The following PLD1 variants were observed in gnomAD, a reference collection of about 807,000 sequenced individuals.
The protein encoded by PLD1 is choline phosphatase 1.
A neutral mutation model predicts 137.1 loss-of-function variants in PLD1; 112 were observed. The observed-to-expected ratio is 0.82, with a 90% CI of 0.70 to 0.96. PLD1 has a LOEUF of 0.96. PLD1 is among the 40% of genes least tolerant of loss of function. The pLI, the probability that PLD1 is intolerant of heterozygous loss-of-function variation, is 0.00. For synonymous variants in PLD1, 431 were observed against 454.7 expected (o/e 0.95, Z 0.66); for missense variants, 1,321 against 1,342.0 (o/e 0.98, Z 0.24).
intron 23 of PLD1, among the ~76,000 whole-genome samples, chr3:171,641,829 T>C (rs1735772610): frequency 6.6e-6 from 1 of 152,198 alleles, no homozygotes; most frequent in Non-Finnish European, 1.5e-5. Context: ...AATCTTCATA[T>C]AAACGTCAGT....
intron 22 of PLD1, 63 bp downstream of exon 22, chr3:171,644,847 C>A (rs1578176383): frequency 1.1e-6 from 1 of 925,532 alleles, no homozygotes; most frequent in Admixed American, 1.7e-5. Flanking sequence ...ACTGCCATTC[C>A]CTTCATCAGC....
chr3:171,660,880 A>T (rs1294867850), intron 20 of PLD1, among the ~76,000 whole-genome samples: 1 of 152,126 alleles, frequency 6.6e-6, no homozygotes, highest in Non-Finnish European at 1.5e-5. Context: ...AAGTGCTGGG[A>T]TTACAGGCAT....
rs117101793 is a variant in PLD1, at chr3:171,604,020, C to T, written c.3001-718G>A. ...ACATGACCTATTTGATCATGGCCTT[C>T]GGTCCATGAAATAAGGATGAAATAA... On this transcript the variant is annotated intron_variant, in intron 26 of 26. Transcript: ENST00000351298. 5.4e-4 allele frequency among the ~76,000 whole-genome samples: 82 copies of T among 152,168 alleles called. 1 individual carries two copies. In the East Asian group the frequency reaches 0.013, roughly 25 times the overall value.
intron 23 of PLD1, among the ~76,000 whole-genome samples, chr3:171,636,904 A>C (rs868092385): frequency 1.3e-5 from 2 of 152,230 alleles, no homozygotes; most frequent in African/African-American, 4.8e-5. Context: ...ACATCTACAC[A>C]TACCATTTAC....
At chr3:171,628,512 GA>G (rs1165320320) in intron 23 of PLD1, among the ~76,000 whole-genome samples, 5 of 152,084 alleles carry the variant, frequency 3.3e-5, no homozygotes, top group Non-Finnish European at 7.4e-5. Flanking sequence ...CTCATTTTAT[GA>G]GGCCAGCATC....
chr3:171,806,158 G>A (rs527999904), intron 1 of PLD1, among the ~76,000 whole-genome samples: 42 of 145,712 alleles, frequency 2.9e-4, no homozygotes, highest in Non-Finnish European at 3.7e-4. Flanking sequence ...TAAACACCAC[G>A]TAAGTGTTTA....
chr3:171,719,401 C>G (rs1228439452), intron 8 of PLD1, among the ~76,000 whole-genome samples: 1 of 152,238 alleles, frequency 6.6e-6, no homozygotes, highest in Non-Finnish European at 1.5e-5. Flanking sequence ...ATGTCTACTA[C>G]TATCTGTTCA....
chr3:171,625,882 T>A (rs984201961), intron 23 of PLD1, among the ~76,000 whole-genome samples: 9 of 151,864 alleles, frequency 5.9e-5, no homozygotes, highest in Non-Finnish European at 1.3e-4. Context: ...CAAAAGTACA[T>A]AAAACCACAA....
At chr3:171,699,516 A>G (rs73879810) in intron 12 of PLD1, among the ~76,000 whole-genome samples, 5,687 of 152,322 alleles carry the variant, frequency 0.037, 368 homozygotes, top group African/African-American at 0.13. Flanking sequence ...AAAAATAAGA[A>G]TTAGAGATGC....
chr3:171,683,721 T>C (rs997888365), intron 16 of PLD1, among the ~76,000 whole-genome samples: 1 of 152,236 alleles, frequency 6.6e-6, no homozygotes, highest in Non-Finnish European at 1.5e-5. Context: ...GACTCTCTAT[T>C]TGTATACACA....
At chr3:171,723,232 T>G (rs1718265316) in intron 8 of PLD1, among the ~76,000 whole-genome samples, 1 of 152,198 alleles carries the variant, frequency 6.6e-6, no homozygotes, top group South Asian at 2.1e-4. Flanking sequence ...CATGTGAAGA[T>G]TGTCTTTCTG....
intron 1 of PLD1, among the ~76,000 whole-genome samples, chr3:171,784,056 A>T (rs573578800): frequency 1.3e-5 from 2 of 152,290 alleles, no homozygotes; most frequent in South Asian, 4.1e-4. Flanking sequence ...CAGGGGTATT[A>T]TTTGACTTCA....
intron 25 of PLD1, among the ~76,000 whole-genome samples, chr3:171,608,227 C>T (rs1203524836): frequency 1.3e-5 from 2 of 152,078 alleles, no homozygotes; most frequent in African/African-American, 4.8e-5. Flanking sequence ...GAATAATCTT[C>T]CTCCCCACCA....
intron 16 of PLD1, among the ~76,000 whole-genome samples, chr3:171,682,832 G>A (rs1027076055): frequency 3.3e-5 from 5 of 152,128 alleles, no homozygotes; most frequent in Non-Finnish European, 5.9e-5. Flanking sequence ...CCAAGGAATC[G>A]ACTTTGGAAA....
Position 171,799,366 on chromosome 3 carries a change from G to GA in PLD1, c.-32+11032dup, listed in dbSNP as rs781275693. ...AAAAAAAAAAAAAAAAAAAAAAGAG[G>GA]AAAAAAAAAAAAGAAGGACTTGCCT... On this transcript the variant is annotated intron_variant, in intron 1 of 26. Transcript: ENST00000351298. 9.5e-3 allele frequency among the ~76,000 whole-genome samples: 1,197 copies of GA among 125,948 alleles called. 8 individuals carry two copies. Among genetic ancestry groups the GA allele is most frequent in the Non-Finnish European group, 0.016 (912 of 58,498 alleles). The allele number at this position is 125,948 out of a possible 152,430, so 82.6% of individuals were successfully genotyped here. A position where few individuals can be genotyped will look rare whatever the true frequency, so the allele number is the denominator to read the frequency against.
At chr3:171,759,437 G>A (rs1404478893) in intron 1 of PLD1, among the ~76,000 whole-genome samples, 1 of 152,160 alleles carries the variant, frequency 6.6e-6, no homozygotes, top group East Asian at 1.9e-4. Flanking sequence ...CTTTGAAAGA[G>A]AAATTCTATG....
At chr3:171,645,080 T>C in intron 21 of PLD1, 57 bp from the exon 22 acceptor site, 1 of 1,077,210 alleles carries the variant, frequency 9.3e-7, no homozygotes, top group Non-Finnish European at 1.4e-6. Context: ...GTATCAATTT[T>C]AGATGACAGC....
intron 19 of PLD1, among the ~76,000 whole-genome samples, chr3:171,668,840 T>C (rs1327436895): frequency 6.6e-6 from 1 of 152,208 alleles, no homozygotes; most frequent in Non-Finnish European, 1.5e-5. Context: ...CCTCTGTCTT[T>C]ATAATATATC....
At chr3:171,655,214 G>A (rs1447446773) in intron 21 of PLD1, among the ~76,000 whole-genome samples, 1 of 152,146 alleles carries the variant, frequency 6.6e-6, no homozygotes, top group Non-Finnish European at 1.5e-5. Context: ...ACTTTGGCAG[G>A]GAAGTTCTGA....
Sources: gnomAD v4.1 joint callset for allele counts (sites outside exome capture counted in the v4.1 genomes callset) on GRCh38, gnomAD v4.1.1 for gene constraint, MANE v1.5 for transcripts, NCBI Gene and HGNC (gene_info 2026-07-23, HGNC 2026-07-21) for gene names.